CSMD3: variants seen among roughly 807,000 people sequenced by gnomAD.
CSMD3 encodes the protein CUB and Sushi multiple domains 3.
CSMD3 carries 177 observed loss-of-function variants against 435.2 expected under a neutral mutation model. The observed-to-expected ratio is 0.41, with a 90% CI of 0.36 to 0.46. The LOEUF is 0.46. CSMD3 is among the 20% of genes least tolerant of loss of function. The pLI, the probability that CSMD3 is intolerant of heterozygous loss-of-function variation, is 0.34. For synonymous variants in CSMD3, 1,656 were observed against 1,520.5 expected (o/e 1.09, Z -2.07); for missense variants, 4,265 against 4,504.6 (o/e 0.95, Z 1.52).
At chr8:112,775,564 A>G (rs945313495) in intron 13 of CSMD3, among the ~76,000 whole-genome samples, 3 of 151,930 alleles carry the variant, frequency 2.0e-5, no homozygotes, top group Admixed American at 6.6e-5. Context: ...ATAAATTAAC[A>G]TACTTGAAAA....
At chr8:112,325,779 T>C (rs1265349391) in intron 45 of CSMD3, among the ~76,000 whole-genome samples, 1 of 152,110 alleles carries the variant, frequency 6.6e-6, no homozygotes, top group East Asian at 1.9e-4. Flanking sequence ...GAATCTTATT[T>C]TGAACACTGA....
intron 2 of CSMD3, among the ~76,000 whole-genome samples, chr8:113,292,496 ATTGT>A (rs1037613259): frequency 5.3e-5 from 8 of 151,918 alleles, no homozygotes; most frequent in Middle Eastern, 3.2e-3. Flanking sequence ...TGAAGAGAAA[ATTGT>A]TTGTAAATGT....
chr8:112,495,479 A>G (rs1421799608), intron 30 of CSMD3, among the ~76,000 whole-genome samples: 1 of 152,214 alleles, frequency 6.6e-6, no homozygotes, highest in Non-Finnish European at 1.5e-5. Flanking sequence ...CCTCTGCAAC[A>G]ATTTTACATT....
chr8:113,054,260 C>T (rs72683875), intron 5 of CSMD3, among the ~76,000 whole-genome samples: 10,163 of 152,134 alleles, frequency 0.067, 454 homozygotes, highest in Non-Finnish European at 0.095. Flanking sequence ...TTGTCTACTC[C>T]ATACCTAGAC....
chr8:112,448,755 T>TAAAAAAAAAAAAAAAA (rs199998820), intron 32 of CSMD3, among the ~76,000 whole-genome samples: 3 of 127,202 alleles, frequency 2.4e-5, no homozygotes, highest in African/African-American at 6.4e-5. Flanking sequence ...TACAATCTAT[T>TAAAAAAAAAAAAAAAA]AAAAAAAAAA....
intron 32 of CSMD3, among the ~76,000 whole-genome samples, chr8:112,450,338 T>C (rs1816116597): frequency 6.6e-6 from 1 of 152,192 alleles, no homozygotes; most frequent in Non-Finnish European, 1.5e-5. Flanking sequence ...GTAATTAATA[T>C]ACAGAATGGT....
intron 1 of CSMD3, among the ~76,000 whole-genome samples, chr8:113,345,258 A>G (rs2094144546): frequency 1.3e-5 from 2 of 152,248 alleles, no homozygotes; most frequent in East Asian, 3.9e-4. Context: ...AGGTTAATTG[A>G]TACTACTTTC....
chr8:112,573,800 T>C, intron 23 of CSMD3, 143 bp from the exon 24 acceptor site: 1 of 661,958 alleles, frequency 1.5e-6, no homozygotes, highest in Non-Finnish European at 2.6e-6. Flanking sequence ...AATATATTGG[T>C]TTCTATGAAC....
intron 2 of CSMD3, among the ~76,000 whole-genome samples, chr8:113,302,238 T>A (rs28488749): frequency 9.8e-6 from 1 of 102,538 alleles, no homozygotes. Flanking sequence ...ATATAATATA[T>A]AATATAATAT....
At chr8:112,299,682 C>T (rs10113732) in intron 53 of CSMD3, among the ~76,000 whole-genome samples, 5,105 of 152,038 alleles carry the variant, frequency 0.034, 106 homozygotes, top group Non-Finnish European at 0.043. Context: ...TTCTCATGGC[C>T]GTTCTAAGCT....
At chr8:112,641,236 T>A (rs1308117836) in intron 20 of CSMD3, among the ~76,000 whole-genome samples, 1 of 152,174 alleles carries the variant, frequency 6.6e-6, no homozygotes. Flanking sequence ...CATCAAGTCA[T>A]GGATTAAATG....
chr8:112,654,042 AT>A (rs2075198548), intron 18 of CSMD3, among the ~76,000 whole-genome samples: 1 of 151,556 alleles, frequency 6.6e-6, no homozygotes, highest in African/African-American at 2.4e-5. Flanking sequence ...GGGGTAAAAA[AT>A]ATAACAGAAA....
intron 31 of CSMD3, among the ~76,000 whole-genome samples, chr8:112,476,256 G>A (rs1045003806): frequency 6.6e-6 from 1 of 152,126 alleles, no homozygotes; most frequent in African/African-American, 2.4e-5. Context: ...ATGTCAGCCA[G>A]GCTGGTCTTG....
intron 37 of CSMD3, 47 bp from the exon 38 acceptor site, chr8:112,380,503 C>A: frequency 1.1e-6 from 1 of 943,028 alleles, no homozygotes; most frequent in South Asian, 1.3e-5. Flanking sequence ...ATAATAAGTA[C>A]TATAATAAAA....
At position 112,967,898 on chromosome 8, in the gene CSMD3, A is replaced by G. The variant is rs2084484122; in HGVS notation, c.1342+7939T>C. On this transcript the variant is annotated intron_variant, in intron 7 of 70. Coordinates refer to ENST00000297405, the MANE Select transcript of CSMD3 (RefSeq NM_198123.2). ...CTGAAAAGAAGTAAAGAGAAAAAAG[A>G]AAAACAAAGAAAAAATGAAAAGAAA... Among the ~76,000 whole-genome samples the G allele has an allele frequency of 4.6e-5, 7 of 151,868 alleles. No homozygotes were observed. In the South Asian group the frequency reaches 1.5e-3, roughly 31 times the overall value.
chr8:112,256,050 G>A (rs1043659345), intron 61 of CSMD3: 1 of 152,150 alleles, frequency 6.6e-6, no homozygotes, highest in Non-Finnish European at 1.5e-5. Context: ...TCTACAACAA[G>A]CACTGGAAAG....
intron 3 of CSMD3, among the ~76,000 whole-genome samples, chr8:113,198,365 G>A (rs895506716): frequency 6.6e-6 from 1 of 151,252 alleles, no homozygotes; most frequent in East Asian, 2.0e-4. Context: ...TATTATCCAT[G>A]TGGAATTGGA....
chr8:112,895,606 G>C (rs2081928301), intron 10 of CSMD3, among the ~76,000 whole-genome samples: 2 of 151,468 alleles, frequency 1.3e-5, no homozygotes, highest in Non-Finnish European at 3.0e-5. Context: ...AATTGAATGG[G>C]ATTGGTGCTG....
intron 1 of CSMD3, among the ~76,000 whole-genome samples, chr8:113,331,893 A>T (rs527305473): frequency 4.7e-4 from 72 of 151,842 alleles, no homozygotes; most frequent in African/African-American, 1.7e-3. Context: ...CATTCTTGCC[A>T]CTTGTATTTA....
Sources: allele counts gnomAD v4.1 joint callset (sites outside exome capture counted in the v4.1 genomes callset), GRCh38; gene constraint gnomAD v4.1.1; transcripts MANE v1.5; gene names NCBI Gene and HGNC (gene_info 2026-07-23, HGNC 2026-07-21).